Variants in RNF4 observed in about 807,000 individuals in gnomAD.
RNF4 encodes ring finger protein 4.
A neutral mutation model predicts 24.3 loss-of-function variants in RNF4; 7 were observed. That is an observed-to-expected ratio of 0.29 (90% CI 0.16 to 0.54). RNF4 has a LOEUF of 0.54. Ranked by LOEUF, RNF4 falls within the 20% of genes least tolerant of loss-of-function variation. The probability of loss-of-function intolerance (pLI) is 0.95; values close to 1 mark genes in which losing one functional copy is unlikely to be tolerated. For missense variants in RNF4, 209 were observed against 248.5 expected, an observed-to-expected ratio of 0.84 and a Z score of 1.07; for synonymous variants, 83 against 84.3, an observed-to-expected ratio of 0.98 and a Z score of 0.09.
At chr4:2,505,728 T>C (rs1736080139) in intron 4 of RNF4, 2 of 96,660 alleles carry the variant, frequency 2.1e-5, no homozygotes, top group South Asian at 8.8e-4. Context: ...TCTGCCTTTT[T>C]TTTTTTTTTT....
At position 2,500,749 on chromosome 4, in the gene RNF4, G is replaced by T; in HGVS notation, c.204+11G>T. The stretch of plus-strand genomic sequence containing the variant: ...AATGACTCTGTTGTGGTAAGTGTTG[G>T]AGTGTGAGAGTCGGCTGTTTCTTGG... On this transcript the variant is annotated intron_variant, in intron 4 of 7. Coordinates refer to ENST00000314289, the MANE Select transcript of RNF4 (RefSeq NM_002938.5). The T allele has an allele frequency of 6.2e-7, 1 of 1,613,298 alleles. No homozygotes were observed. The highest frequency in any genetic ancestry group is 2.2e-5 in the East Asian group (1 of 44,874).
intron 3 of RNF4, among the ~76,000 whole-genome samples, chr4:2,498,976 C>T (rs909408162): frequency 2.0e-5 from 3 of 152,092 alleles, no homozygotes; most frequent in Non-Finnish European, 4.4e-5. Flanking sequence ...GCGTGCAGAT[C>T]ACCTGAGGTC....
chr4:2,490,358 T>G lies in RNF4; in HGVS notation c.-136T>G. 1.4e-6 allele frequency: 1 copy of G among 737,560 alleles called. No individual in the cohort carries two copies. Among genetic ancestry groups the G allele is most frequent in the Non-Finnish European group, 2.2e-6 (1 of 449,592 alleles). The allele number at this position is 737,560 out of a possible 1,614,324, so 45.7% of individuals were successfully genotyped here. A position where few individuals can be genotyped will look rare whatever the true frequency, so the allele number is the denominator to read the frequency against. On this transcript the variant is annotated 5_prime_UTR_variant, in exon 2 of 8. Transcript: ENST00000314289. ...TCAGGACTTGAAAATACTGGAAATC[T>G]GTCCGGATCCAAATTATTTTGCAAG... is the stretch of plus-strand genomic sequence containing the variant.
At chr4:2,488,518 C>T (rs188323636) in intron 1 of RNF4, among the ~76,000 whole-genome samples, 1 of 152,174 alleles carries the variant, frequency 6.6e-6, no homozygotes, top group Admixed American at 6.5e-5. Flanking sequence ...CATTTTAGGG[C>T]TTGAGCAGAA....
At chr4:2,474,366 A>G (rs1291844127) in intron 1 of RNF4, among the ~76,000 whole-genome samples, 2 of 146,254 alleles carry the variant, frequency 1.4e-5, no homozygotes, top group East Asian at 4.0e-4. Flanking sequence ...TGGTTGACAG[A>G]ACGAGACTCT....
At chr4:2,471,560 G>C (rs932284280) in intron 1 of RNF4, among the ~76,000 whole-genome samples, 1 of 151,732 alleles carries the variant, frequency 6.6e-6, no homozygotes, top group South Asian at 2.1e-4. Context: ...TGAGAAAGGC[G>C]TATCAAAAGT....
intron 2 of RNF4, among the ~76,000 whole-genome samples, chr4:2,493,087 T>G (rs916416220): frequency 1.3e-5 from 2 of 152,122 alleles, no homozygotes; most frequent in Non-Finnish European, 2.9e-5. Context: ...TCTGCAGATA[T>G]TCCTGGATTG....
intron 1 of RNF4, among the ~76,000 whole-genome samples, chr4:2,486,470 C>A (rs1182423848): frequency 6.6e-6 from 1 of 152,166 alleles, no homozygotes; most frequent in East Asian, 1.9e-4. Flanking sequence ...CCAAGACCAG[C>A]CTTCCAAATT....
chr4:2,490,655 A>T (rs561170165), intron 2 of RNF4, 153 bp downstream of exon 2: 1 of 716,310 alleles, frequency 1.4e-6, no homozygotes, highest in African/African-American at 1.8e-5. Context: ...TGGTGGTTAC[A>T]TCAGCTTACT....
chr4:2,474,543 T>C (rs1177471806), intron 1 of RNF4, among the ~76,000 whole-genome samples: 18 of 152,148 alleles, frequency 1.2e-4, no homozygotes, highest in Admixed American at 1.2e-3. Context: ...ATTGTTGAGA[T>C]TATAACAAAG....
At chr4:2,490,549 A>T in intron 2 of RNF4, 47 bp downstream of exon 2, 1 of 1,581,210 alleles carries the variant, frequency 6.3e-7, no homozygotes, top group Non-Finnish European at 8.6e-7. Context: ...GGGCTAATTA[A>T]CTACCTTATT....
At chr4:2,486,486 G>A (rs1349517256) in intron 1 of RNF4, among the ~76,000 whole-genome samples, 1 of 152,072 alleles carries the variant, frequency 6.6e-6, no homozygotes, top group East Asian at 1.9e-4. Context: ...AAATTCCTTT[G>A]AACTCTGACT....
At chr4:2,504,246 A>G (rs1735999759) in intron 4 of RNF4, among the ~76,000 whole-genome samples, 1 of 152,196 alleles carries the variant, frequency 6.6e-6, no homozygotes, top group Non-Finnish European at 1.5e-5. Flanking sequence ...TAGCCTAGAA[A>G]AGGCATCACT....
At chr4:2,497,310 G>A in intron 3 of RNF4, 189 bp downstream of exon 3, 2 of 483,962 alleles carry the variant, frequency 4.1e-6, no homozygotes, top group South Asian at 3.2e-5. Flanking sequence ...TTCAACTCTG[G>A]TAATGTGCAG....
At chr4:2,482,881 A>G (rs551038559) in intron 1 of RNF4, among the ~76,000 whole-genome samples, 75 of 152,116 alleles carry the variant, frequency 4.9e-4, no homozygotes, top group South Asian at 8.3e-4. Context: ...GCTTTCTTCA[A>G]CCTCCTCTGA....
At chr4:2,481,608 C>T (rs1232518849) in intron 1 of RNF4, among the ~76,000 whole-genome samples, 1 of 152,178 alleles carries the variant, frequency 6.6e-6, no homozygotes, top group Non-Finnish European at 1.5e-5. Context: ...ACCTCCTCCT[C>T]CTGCTCTCTT....
At chr4:2,490,143 G>C (rs1455902244) in intron 1 of RNF4, among the ~76,000 whole-genome samples, 194 bp from the exon 2 acceptor site, 2 of 152,114 alleles carry the variant, frequency 1.3e-5, no homozygotes, top group East Asian at 3.9e-4. Context: ...TACAATTGCA[G>C]GCTTTGGGAT....
At position 2,475,846 on chromosome 4, in the gene RNF4, C is replaced by G. The variant is rs570178087; in HGVS notation, c.-158+6588C>G. On this transcript the variant is annotated intron_variant, in intron 1 of 7. Coordinates refer to ENST00000314289, the MANE Select transcript of RNF4 (RefSeq NM_002938.5). ...CACTGGGAGATCAGGGTCACTTGCC[C>G]AAGGTCACACAATTAGTAAGCAGAG... Among the ~76,000 whole-genome samples the G allele has an allele frequency of 9.2e-5, 14 of 152,276 alleles. No individual in the cohort carries two copies. In the South Asian group the frequency reaches 1.7e-3, roughly 18 times the overall value.
At chr4:2,493,507 G>T (rs1307277619) in intron 2 of RNF4, among the ~76,000 whole-genome samples, 2 of 152,008 alleles carry the variant, frequency 1.3e-5, no homozygotes, top group African/African-American at 4.8e-5. Flanking sequence ...TCTGCTACAG[G>T]CTGGGCATGG....
Sources: gnomAD v4.1 joint callset for allele counts (sites outside exome capture counted in the v4.1 genomes callset) on GRCh38, gnomAD v4.1.1 for gene constraint, MANE v1.5 for transcripts, NCBI Gene and HGNC (gene_info 2026-07-23, HGNC 2026-07-21) for gene names.